Variants in GCC2 observed in about 807,000 individuals in gnomAD.
The protein encoded by GCC2 is GRIP and coiled-coil domain containing 2.
A neutral mutation model predicts 210.6 loss-of-function variants in GCC2; 120 were observed. The observed-to-expected ratio is 0.57, with a 90% CI of 0.49 to 0.66. GCC2 has a LOEUF of 0.66. GCC2 is among the 30% of genes least tolerant of loss of function. GCC2 has a pLI of 0.00. For missense variants in GCC2, 1,868 were observed against 1,871.9 expected, an observed-to-expected ratio of 1.00 and a Z score of 0.04; for synonymous variants, 703 against 652.7, an observed-to-expected ratio of 1.08 and a Z score of -1.17.
chr2:108,494,481 A>G (rs1682549552), intron 19 of GCC2: 1 of 152,224 alleles, frequency 6.6e-6, no homozygotes, highest in Admixed American at 6.5e-5. Flanking sequence ...CTGTATGAGC[A>G]CTGTAGGTGT....
Position 108,509,119 on chromosome 2 carries a change from G to C in GCC2, c.*1489G>C, listed in dbSNP as rs572137113. On this transcript the variant is annotated 3_prime_UTR_variant, in exon 23 of 23. Coordinates refer to ENST00000309863, the MANE Select transcript of GCC2 (RefSeq NM_181453.4). ...TTTCAGAGCTGACATGAAGAGTTTA[G>C]TTTTTTTACTTTATAAACTGTGAAT... 2.6e-5 allele frequency: 4 copies of C among 152,706 alleles called. No individual in the cohort carries two copies. Among genetic ancestry groups the C allele is most frequent in the African/African-American group, 9.6e-5 (4 of 41,560 alleles). 9.5% of individuals were successfully genotyped at this position (152,706 alleles called of 1,614,324 possible). A position where few individuals can be genotyped will look rare whatever the true frequency, so the allele number is the denominator to read the frequency against.
At position 108,471,477 on chromosome 2, in the gene GCC2, A is replaced by T. The variant is rs779257690; in HGVS notation, c.2148A>T (p.Glu716Asp). Reference sequence around the variant, plus strand: ...TGGAGGTTTTTTTGTCTCAAAAAGAAGATGTTATCCTTAAAGAACATATTA... The same window carrying T: ...TGGAGGTTTTTTTGTCTCAAAAAGATGATGTTATCCTTAAAGAACATATTA... Reference protein sequence around the residue: ...RDLEVFLSQKEDVILKEHITQ... With the variant: ...RDLEVFLSQKDDVILKEHITQ... The change falls in exon 6 of 23, where the codon GAA (glutamate) becomes GAT (aspartate). Residue 716 changes from glutamate (E) to aspartate (D), a missense_variant. Around this residue, in one of 3 missense-constraint regions of GCC2, gnomAD observed 1,847 missense variants for 1,765.2 expected, o/e 1.05. Transcript: ENST00000309863. The T allele has an allele frequency of 8.1e-6, 13 of 1,610,144 alleles. No individual in the cohort carries two copies. The highest frequency in any genetic ancestry group is 4.4e-5 in the South Asian group (4 of 89,926).
chr2:108,484,241 C>A lies in GCC2; in HGVS notation c.3543C>A (p.Asn1181Lys). The change falls in exon 13 of 23, where the codon AAC becomes AAA. Residue 1181 changes from asparagine to lysine, a missense_variant. By Grantham distance (94) the Asn-to-Lys change is moderately conservative. Around this residue, in one of 3 missense-constraint regions of GCC2, gnomAD observed 1,847 missense variants for 1,765.2 expected, o/e 1.05. Transcript: ENST00000309863. ...ATCAAAAGTTAACTAATAAAAACAA[C>A]AAGATAGAAGATTTGGAGCAAGAAA... The part of the protein sequence containing the change: ...ELNQKLTNKN[N>K]KIEDLEQEIK... 1.3e-6 allele frequency: 2 copies of A among 1,576,308 alleles called. No homozygotes were observed. Among genetic ancestry groups the A allele is most frequent in the Non-Finnish European group, 8.6e-7 (1 of 1,158,000 alleles).
chr2:108,478,274 C>A (rs1171998738), intron 9 of GCC2, among the ~76,000 whole-genome samples: 3 of 129,506 alleles, frequency 2.3e-5, no homozygotes, highest in Non-Finnish European at 3.3e-5. Context: ...AATTTCATTA[C>A]CATATTTTCA....
chr2:108,473,063 C>A (rs1414149786), intron 7 of GCC2, 164 bp downstream of exon 7: 3 of 491,274 alleles, frequency 6.1e-6, no homozygotes, highest in Non-Finnish European at 1.1e-5. Context: ...ACCTGTTTGC[C>A]TTCTCTTTCA....
rs752658558 is a variant in GCC2 at position 108,507,652 on chromosome 2, A to G, written c.*22A>G. Reference sequence around the variant, plus strand: ...ATAGGTTGATGGAAGGAATATTTTTATTAACCAAATAGAATCTATTTACAA... The same window carrying G: ...ATAGGTTGATGGAAGGAATATTTTTGTTAACCAAATAGAATCTATTTACAA... On this transcript the variant is annotated 3_prime_UTR_variant, in exon 23 of 23. Coordinates refer to ENST00000309863, the MANE Select transcript of GCC2 (RefSeq NM_181453.4). 5.5e-6 allele frequency: 8 copies of G among 1,463,042 alleles called. No individual in the cohort carries two copies. In the Admixed American group the frequency reaches 9.6e-5, roughly 18 times the overall value. 90.6% of individuals were successfully genotyped at this position (1,463,042 alleles called of 1,614,324 possible).
intron 7 of GCC2, among the ~76,000 whole-genome samples, chr2:108,473,967 C>G (rs1232616142): frequency 6.6e-6 from 1 of 151,352 alleles, no homozygotes; most frequent in East Asian, 2.0e-4. Context: ...TCCTGGCTAA[C>G]ACGGTGAAAC....
At chr2:108,449,774 G>A in intron 2 of GCC2, 85 bp downstream of exon 2, 2 of 979,742 alleles carry the variant, frequency 2.0e-6, no homozygotes, top group South Asian at 1.4e-5. Flanking sequence ...AGGGGGGGGC[G>A]CTGATTTTTT....
chr2:108,461,751 G>T (rs1372025800), intron 4 of GCC2, among the ~76,000 whole-genome samples: 2 of 151,414 alleles, frequency 1.3e-5, no homozygotes, highest in African/African-American at 4.9e-5. Context: ...TGATCCACCT[G>T]CCTCAGCTTC....
chr2:108,491,624 G>T (rs1178454947), intron 18 of GCC2, among the ~76,000 whole-genome samples: 1 of 151,886 alleles, frequency 6.6e-6, no homozygotes, highest in Non-Finnish European at 1.5e-5. Context: ...TGTTAACAAC[G>T]TTTATCTACC....
At chr2:108,457,110 T>C (rs1033948997) in intron 4 of GCC2, among the ~76,000 whole-genome samples, 1 of 143,864 alleles carries the variant, frequency 7.0e-6, no homozygotes, top group Non-Finnish European at 1.5e-5. Flanking sequence ...TTTACACTTT[T>C]GGGTCTTATA....
intron 7 of GCC2, among the ~76,000 whole-genome samples, chr2:108,474,233 T>C (rs1426991694): frequency 1.3e-5 from 2 of 152,090 alleles, no homozygotes; most frequent in Admixed American, 1.3e-4. Flanking sequence ...CCAGAGACAT[T>C]TTTCCATTCA....
At position 108,470,690 on chromosome 2, in the gene GCC2, C is replaced by A. The variant is rs746578708; in HGVS notation, c.1361C>A (p.Thr454Lys). ...TCAGATTCAGAAAAAGAAAAATTAA[C>A]ATTAATGTTTGAAATACAGGGTCTT... Reference protein sequence around the residue: ...FLSDSEKEKLTLMFEIQGLKE... With the variant: ...FLSDSEKEKLKLMFEIQGLKE... Residue 454 changes from threonine to lysine, a missense_variant, in exon 6 of 23, where the codon ACA becomes AAA. This residue lies in a region of GCC2 where 1,847 missense variants were observed against 1,765.2 expected (regional missense o/e 1.05). Coordinates refer to ENST00000309863, the MANE Select transcript of GCC2 (RefSeq NM_181453.4). 7 of 1,609,008 alleles carry A rather than the reference C, an allele frequency of 4.4e-6. No homozygotes were observed. The highest frequency in any genetic ancestry group is 8.5e-7 in the Non-Finnish European group (1 of 1,177,550).
intron 4 of GCC2, among the ~76,000 whole-genome samples, chr2:108,464,162 C>T (rs1031278373): frequency 6.6e-5 from 10 of 152,062 alleles, no homozygotes; most frequent in African/African-American, 1.9e-4. Context: ...TGTGTCGCTG[C>T]GACTAAGGAG....
At chr2:108,476,925 T>A (rs1194473614) in intron 9 of GCC2, among the ~76,000 whole-genome samples, 1 of 152,146 alleles carries the variant, frequency 6.6e-6, no homozygotes, top group Non-Finnish European at 1.5e-5. Flanking sequence ...TGAAAAAAAA[T>A]ATCCCACAGC....
intron 19 of GCC2, chr2:108,494,082 T>G (rs1682527975): frequency 1.8e-6 from 1 of 542,486 alleles, no homozygotes; most frequent in Admixed American, 6.4e-5. Flanking sequence ...CTGGTAAACT[T>G]TACAGTTTAG....
intron 1 of GCC2, among the ~76,000 whole-genome samples, 175 bp downstream of exon 1, chr2:108,449,455 G>C (rs1679782450): frequency 6.6e-6 from 1 of 152,184 alleles, no homozygotes; most frequent in Non-Finnish European, 1.5e-5. Context: ...CTGCCCCGTA[G>C]AGCCCGTTTG....
intron 6 of GCC2, 92 bp downstream of exon 6, chr2:108,472,208 A>G (rs950040081): frequency 2.1e-6 from 2 of 932,758 alleles, no homozygotes; most frequent in African/African-American, 3.4e-5. Context: ...TGACGTCAAA[A>G]GTAAATTTTT....
intron 21 of GCC2, among the ~76,000 whole-genome samples, chr2:108,499,157 T>C (rs1216182972): frequency 6.7e-6 from 1 of 148,878 alleles, no homozygotes; most frequent in Non-Finnish European, 1.5e-5. Context: ...AATTTCTTGA[T>C]GTGTCTCATC....
Sources: gnomAD v4.1 joint callset for allele counts (sites outside exome capture counted in the v4.1 genomes callset) on GRCh38, gnomAD v4.1.1 for gene constraint, gnomAD v4.1.1 regional missense constraint, MANE v1.5 for transcripts, NCBI Gene and HGNC (gene_info 2026-07-23, HGNC 2026-07-21) for gene names.